The following POLH variants were observed in gnomAD, a reference collection of about 807,000 sequenced individuals.
POLH encodes DNA polymerase eta transcript.
Under a neutral mutation model 73.6 loss-of-function variants are expected in POLH, and 53 were observed. The ratio of observed to expected loss-of-function variants is 0.72; its 90% CI spans 0.58 to 0.91. The LOEUF (loss-of-function observed/expected upper bound fraction) is 0.91. Among genes scored for constraint, POLH ranks in the 40% least tolerant of loss-of-function variants. POLH has a pLI of 0.00. For synonymous variants in POLH, 292 were observed against 308.5 expected (o/e 0.95, Z 0.56); for missense variants, 768 against 865.4 (o/e 0.89, Z 1.41).
Position 43,617,636 on chromosome 6 carries a change from A to T in POLH, c.*3079A>T, listed in dbSNP as rs1003696315. Among the ~76,000 whole-genome samples, 5 of 148,748 alleles carry T rather than the reference A, an allele frequency of 3.4e-5. No individual in the cohort carries two copies. Among genetic ancestry groups the T allele is most frequent in the Admixed American group, 6.7e-5 (1 of 14,952 alleles). On this transcript the variant is annotated 3_prime_UTR_variant, in exon 11 of 11. Transcript: ENST00000372236. ...AGTGACACTGTTTAAAAAAAAAAAA[A>T]TTCCCAATGTGGGCCGGGTGCAGTG... is the stretch of plus-strand genomic sequence containing the variant.
chr6:43,582,523 T>G, intron 2 of POLH, 67 bp downstream of exon 2: 1 of 1,522,308 alleles, frequency 6.6e-7, no homozygotes, highest in Non-Finnish European at 9.1e-7. Flanking sequence ...AGGTCCTTTG[T>G]TGTTGTGGTG....
intron 4 of POLH, among the ~76,000 whole-genome samples, chr6:43,595,843 T>G (rs1412266108): frequency 6.8e-6 from 1 of 148,128 alleles, no homozygotes; most frequent in Non-Finnish European, 1.5e-5. Flanking sequence ...GCATGTATTT[T>G]TCTTTTTTTT....
At chr6:43,581,836 C>T (rs1170663360) in intron 1 of POLH, among the ~76,000 whole-genome samples, 3 of 151,242 alleles carry the variant, frequency 2.0e-5, no homozygotes, top group Admixed American at 1.3e-4. Context: ...CGGACGGGCT[C>T]CCTAAGCCAC....
At chr6:43,601,276 A>T (rs951663954) in intron 6 of POLH, among the ~76,000 whole-genome samples, 185 bp downstream of exon 6, 5 of 151,818 alleles carry the variant, frequency 3.3e-5, no homozygotes, top group African/African-American at 1.2e-4. Context: ...TTATTTATTT[A>T]TTTTTTGAGA....
chr6:43,617,176 ACT>A lies in POLH; in HGVS notation c.*2622_*2623del, dbSNP rs927957215. 9.9e-5 allele frequency among the ~76,000 whole-genome samples: 15 copies of A among 151,644 alleles called. No homozygotes were observed. Among genetic ancestry groups the A allele is most frequent in the African/African-American group, 3.2e-4 (13 of 41,258 alleles). ...GCATTCCAGCCTGGGCGATAGAGTA[ACT>A]CTGTCTCAAAAAAACCCACTAGATC... On this transcript the variant is annotated 3_prime_UTR_variant, in exon 11 of 11. Coordinates refer to ENST00000372236, the MANE Select transcript of POLH (RefSeq NM_006502.3).
chr6:43,584,446 G>A (rs1764594193), intron 3 of POLH, among the ~76,000 whole-genome samples: 1 of 152,192 alleles, frequency 6.6e-6, no homozygotes, highest in Non-Finnish European at 1.5e-5. Context: ...TCAAGAGGCT[G>A]TGAGGAAGCA....
chr6:43,588,037 A>T (rs1269585210), intron 4 of POLH, among the ~76,000 whole-genome samples: 4 of 152,186 alleles, frequency 2.6e-5, no homozygotes, highest in Non-Finnish European at 5.9e-5. Context: ...CGTCTCAAAA[A>T]ACAAAAAAAT....
At chr6:43,578,137 A>T (rs1763584012) in intron 1 of POLH, among the ~76,000 whole-genome samples, 1 of 151,976 alleles carries the variant, frequency 6.6e-6, no homozygotes, top group African/African-American at 2.4e-5. Flanking sequence ...CTGTAATCCC[A>T]GCACTTTGGG....
intron 6 of POLH, among the ~76,000 whole-genome samples, chr6:43,602,993 T>TC (rs1329129499): frequency 1.9e-4 from 28 of 144,250 alleles, no homozygotes; most frequent in African/African-American, 7.2e-4. Flanking sequence ...GGTTATGTAT[T>TC]CCTTTTTTTT....
At chr6:43,589,976 G>A (rs1765259768) in intron 4 of POLH, among the ~76,000 whole-genome samples, 1 of 151,788 alleles carries the variant, frequency 6.6e-6, no homozygotes, top group Non-Finnish European at 1.5e-5. Flanking sequence ...AAAAAAAATT[G>A]TGATATAATC....
At chr6:43,586,224 A>AC (rs1764806539) in intron 3 of POLH, among the ~76,000 whole-genome samples, 1 of 152,110 alleles carries the variant, frequency 6.6e-6, no homozygotes, top group Admixed American at 6.5e-5. Context: ...CACGCCGGTA[A>AC]TCCCAGCACT....
In POLH at chr6:43,618,819, TG is replaced by T. The variant is rs1445923648; in HGVS notation, c.*4266del. On this transcript the variant is annotated 3_prime_UTR_variant, in exon 11 of 11. Coordinates refer to ENST00000372236, the MANE Select transcript of POLH (RefSeq NM_006502.3). ...CTAATTTTTGTATTTTTAGTAGAGA[TG>T]GGGTTTCGCCACGTTGGCCAGGCTG... 2.0e-5 allele frequency among the ~76,000 whole-genome samples: 3 copies of T among 151,534 alleles called. No homozygotes were observed. The East Asian group carries it at 5.9e-4, about 30-fold the overall frequency.
At chr6:43,603,754 AACT>A in intron 6 of POLH, 135 bp from the exon 7 acceptor site, 1 of 813,018 alleles carries the variant, frequency 1.2e-6, no homozygotes, top group Non-Finnish European at 2.1e-6. Context: ...CTCCCAGAGT[AACT>A]GAATTCCCAG....
rs886061453 is a variant in POLH at position 43,616,376 on chromosome 6, A to G, written c.*1819A>G. On this transcript the variant is annotated 3_prime_UTR_variant, in exon 11 of 11. Coordinates refer to ENST00000372236, the MANE Select transcript of POLH (RefSeq NM_006502.3). ...AGGGAGGCTGAGGTGAGTGGATTGCAGGAGCTCAGGAGTTCGAGACCAGCC... is the reference window on the plus strand; with the variant it reads ...AGGGAGGCTGAGGTGAGTGGATTGCGGGAGCTCAGGAGTTCGAGACCAGCC... 1.3e-5 allele frequency among the ~76,000 whole-genome samples: 2 copies of G among 151,338 alleles called. No homozygotes were observed. The highest frequency in any genetic ancestry group is 2.4e-5 in the African/African-American group (1 of 41,134).
chr6:43,589,106 G>A (rs1765165690), intron 4 of POLH, among the ~76,000 whole-genome samples: 1 of 152,168 alleles, frequency 6.6e-6, no homozygotes, highest in African/African-American at 2.4e-5. Context: ...CCAAAGTGCT[G>A]GGATTACAGG....
intron 9 of POLH, among the ~76,000 whole-genome samples, chr6:43,605,967 G>A (rs910776635): frequency 2.0e-5 from 3 of 151,832 alleles, no homozygotes; most frequent in Admixed American, 6.6e-5. Flanking sequence ...CAGGTGATCC[G>A]CCCACCTCAG....
intron 3 of POLH, among the ~76,000 whole-genome samples, chr6:43,583,511 T>A (rs1249263403): frequency 6.6e-6 from 1 of 152,198 alleles, no homozygotes; most frequent in East Asian, 1.9e-4. Context: ...ACTGACATTG[T>A]AGTACAATAT....
chr6:43,580,811 G>A (rs1224517127), intron 1 of POLH, among the ~76,000 whole-genome samples: 1 of 128,376 alleles, frequency 7.8e-6, no homozygotes, highest in Non-Finnish European at 1.7e-5. Context: ...GCCGGGCAGA[G>A]GGGCTCCTCA....
At position 43,581,625 on chromosome 6, in the gene POLH, C is replaced by A. The variant is rs919543601; in HGVS notation, c.-4-691C>A. Among the ~76,000 whole-genome samples, 6 of 143,510 alleles carry A rather than the reference C, an allele frequency of 4.2e-5. 1 individual carries two copies. Among genetic ancestry groups the A allele is most frequent in the African/African-American group, 1.7e-4 (6 of 34,704 alleles). The allele number at this position is 143,510 out of a possible 152,430, so 94.1% of individuals were successfully genotyped here. On this transcript the variant is annotated intron_variant, in intron 1 of 10. Coordinates refer to ENST00000372236, the MANE Select transcript of POLH (RefSeq NM_006502.3). ...CGGGCGGCGCTCGCCGGCGCGGCGG[C>A]AAAGACTGAGACAGCTCTGCTGCCC... is the stretch of plus-strand genomic sequence containing the variant.
Sources: gnomAD v4.1 joint callset for allele counts (sites outside exome capture counted in the v4.1 genomes callset) on GRCh38, gnomAD v4.1.1 for gene constraint, MANE v1.5 for transcripts, NCBI Gene and HGNC (gene_info 2026-07-23, HGNC 2026-07-21) for gene names.